VAMP7: variants seen among roughly 807,000 people sequenced by gnomAD.
The protein encoded by VAMP7 is vesicle-associated membrane protein 7.
Under a neutral mutation model 29.6 loss-of-function variants are expected in VAMP7, and 14 were observed. That is an observed-to-expected ratio of 0.47 (90% CI 0.31 to 0.74). The LOEUF (loss-of-function observed/expected upper bound fraction) is 0.74. Ranked by LOEUF, VAMP7 falls within the 30% of genes least tolerant of loss-of-function variation. The pLI, the probability that VAMP7 is intolerant of heterozygous loss-of-function variation, is 0.05. For missense variants in VAMP7, 223 were observed against 262.4 expected, an observed-to-expected ratio of 0.85 and a Z score of 1.04; for synonymous variants, 95 against 88.1, an observed-to-expected ratio of 1.08 and a Z score of -0.44.
chrX:155,925,546 T>C (rs2066455587), intron 6 of VAMP7, among the ~76,000 whole-genome samples: 1 of 152,072 alleles, frequency 6.6e-6, no homozygotes, highest in African/African-American at 2.4e-5. Context: ...CAAAGCCCAG[T>C]TTGGTTTTAT....
intron 2 of VAMP7, among the ~76,000 whole-genome samples, chrX:155,891,848 T>G (rs912368900): frequency 6.6e-6 from 1 of 152,176 alleles, no homozygotes; most frequent in African/African-American, 2.4e-5. Context: ...CAGCGTAGGT[T>G]TGTGGGCCTA....
intron 5 of VAMP7, among the ~76,000 whole-genome samples, chrX:155,908,460 G>A (rs60962698): frequency 0.025 from 3,819 of 152,288 alleles, 193 homozygotes; most frequent in African/African-American, 0.088. Context: ...AATCAGGCAG[G>A]GAGGTTGCAG....
intron 6 of VAMP7, among the ~76,000 whole-genome samples, chrX:155,929,814 G>T (rs1569449422): frequency 6.6e-6 from 1 of 152,074 alleles, no homozygotes; most frequent in Non-Finnish European, 1.5e-5. Context: ...CTGGAGCCAT[G>T]GCATGAACAA....
intron 1 of VAMP7, among the ~76,000 whole-genome samples, chrX:155,883,097 C>T (rs1261307986): frequency 6.6e-6 from 1 of 152,142 alleles, no homozygotes; most frequent in Non-Finnish European, 1.5e-5. Context: ...TATAGGAGTC[C>T]CTTCTTCCTT....
At chrX:155,924,825 C>T (rs2066445989) in intron 6 of VAMP7, among the ~76,000 whole-genome samples, 1 of 152,178 alleles carries the variant, frequency 6.6e-6, no homozygotes, top group South Asian at 2.1e-4. Flanking sequence ...TATTTGATAG[C>T]AATTTACTGG....
rs2065901869 is a variant in VAMP7, at chrX:155,889,478, T to G, written c.12T>G (p.Leu4=). 1.9e-6 allele frequency: 3 copies of G among 1,613,484 alleles called. No homozygotes were observed. In the South Asian group the frequency reaches 3.3e-5, roughly 18 times the overall value. The change falls in exon 2 of 8, where the codon CTT becomes CTG. Residue 4 remains leucine (L), a synonymous_variant. Transcript: ENST00000286448. The part of the protein sequence containing the change: MAI[L]FAVVARGTTI... ...GATAGACTGAAGCCATGGCGATTCT[T>G]TTTGCTGTTGTTGCCAGGGGGACCA...
chrX:155,935,417 C>T (rs2066635392), intron 6 of VAMP7, among the ~76,000 whole-genome samples: 2 of 152,190 alleles, frequency 1.3e-5, no homozygotes, highest in South Asian at 4.2e-4. Flanking sequence ...TCTTTTTTCT[C>T]TAAACTTCTC....
intron 5 of VAMP7, among the ~76,000 whole-genome samples, chrX:155,914,922 G>A (rs1469637404): frequency 7.2e-5 from 11 of 152,158 alleles, no homozygotes; most frequent in Non-Finnish European, 4.4e-5. Flanking sequence ...GTTTGGAATA[G>A]TTTCAGAAGG....
intron 6 of VAMP7, among the ~76,000 whole-genome samples, chrX:155,935,705 A>G (rs2066641916): frequency 6.6e-6 from 1 of 152,142 alleles, no homozygotes; most frequent in Non-Finnish European, 1.5e-5. Flanking sequence ...TCAACTCGTC[A>G]AAGTCATTCT....
intron 5 of VAMP7, among the ~76,000 whole-genome samples, chrX:155,912,603 A>C (rs991150165): frequency 2.6e-4 from 40 of 151,602 alleles, no homozygotes; most frequent in Non-Finnish European, 5.1e-4. Context: ...GAGTGAGAAC[A>C]CGTGGTGTTT....
chrX:155,918,366 T>A lies in VAMP7; in HGVS notation c.434-1447T>A, dbSNP rs765027326. Among the ~76,000 whole-genome samples the A allele has an allele frequency of 6.5e-3, 985 of 151,894 alleles. 3 individuals are homozygous for A. The highest frequency in any genetic ancestry group is 8.5e-3 in the Non-Finnish European group (576 of 67,932). ...CGCCACTGGGGTATGAAAAAAAAAC[T>A]CCTGCAGCTAGCTCGGTGTCTGCCC... On this transcript the variant is annotated intron_variant, in intron 5 of 7. Transcript: ENST00000286448.
intron 2 of VAMP7, 164 bp downstream of exon 2, chrX:155,889,776 A>G: frequency 1.4e-6 from 1 of 696,064 alleles, no homozygotes; most frequent in Non-Finnish European, 2.2e-6. Flanking sequence ...TTTGTTACTT[A>G]TAAATTTAAC....
intron 2 of VAMP7, among the ~76,000 whole-genome samples, chrX:155,891,337 G>A (rs1164396925): frequency 3.3e-5 from 5 of 152,124 alleles, no homozygotes; most frequent in South Asian, 2.1e-4. Flanking sequence ...CATAGAATAC[G>A]CCTCTTCTCT....
intron 6 of VAMP7, among the ~76,000 whole-genome samples, chrX:155,926,915 A>C (rs1265077960): frequency 1.3e-5 from 2 of 152,182 alleles, no homozygotes; most frequent in Non-Finnish European, 1.5e-5. Flanking sequence ...ATAAGAGAAT[A>C]GCTGGTCAGT....
intron 3 of VAMP7, 123 bp downstream of exon 3, chrX:155,895,803 T>A (rs2065980083): frequency 1.4e-6 from 1 of 697,424 alleles, no homozygotes; most frequent in East Asian, 2.6e-5. Context: ...CTGTGGCTTG[T>A]TAGGAACCAG....
intron 5 of VAMP7, among the ~76,000 whole-genome samples, chrX:155,903,449 C>G (rs1485006372): frequency 6.6e-6 from 1 of 152,070 alleles, no homozygotes; most frequent in Non-Finnish European, 1.5e-5. Flanking sequence ...TTTTCACAAC[C>G]TACTCATCTG....
At chrX:155,899,754 A>C (rs1285865347) in intron 4 of VAMP7, among the ~76,000 whole-genome samples, 1 of 152,078 alleles carries the variant, frequency 6.6e-6, no homozygotes, top group Non-Finnish European at 1.5e-5. Context: ...AAACTTTCAA[A>C]TTAACCAATT....
At chrX:155,920,734 T>G (rs1308853101) in intron 6 of VAMP7, among the ~76,000 whole-genome samples, 1 of 152,180 alleles carries the variant, frequency 6.6e-6, no homozygotes, top group Non-Finnish European at 1.5e-5. Context: ...ATGTACCCAC[T>G]TCAGAGCATT....
At chrX:155,922,662 T>C (rs2066412742) in intron 6 of VAMP7, among the ~76,000 whole-genome samples, 1 of 152,018 alleles carries the variant, frequency 6.6e-6, no homozygotes, top group Non-Finnish European at 1.5e-5. Flanking sequence ...GTCTGTAATT[T>C]ATTTTTCTCT....
Sources: allele counts gnomAD v4.1 joint callset (sites outside exome capture counted in the v4.1 genomes callset), GRCh38; gene constraint gnomAD v4.1.1; transcripts MANE v1.5; gene names NCBI Gene and HGNC (gene_info 2026-07-23, HGNC 2026-07-21).